The following CACNB4 variants were observed in gnomAD, a reference collection of about 807,000 sequenced individuals.
CACNB4 encodes the protein calcium voltage-gated channel auxiliary subunit beta 4.
In CACNB4, 32 loss-of-function variants were observed where a neutral mutation model predicts 71.2. That is an observed-to-expected ratio of 0.45 (90% CI 0.34 to 0.60). CACNB4 has a LOEUF of 0.60. CACNB4 is among the 20% of genes least tolerant of loss of function. CACNB4 has a pLI of 0.01. For missense variants in CACNB4, 464 were observed against 647.9 expected (o/e 0.72, Z 3.08); for synonymous variants, 231 against 236.9 (o/e 0.97, Z 0.23).
intron 2 of CACNB4, among the ~76,000 whole-genome samples, chr2:151,998,149 CCT>C (rs1682173276): frequency 6.6e-6 from 1 of 151,872 alleles, no homozygotes; most frequent in Non-Finnish European, 1.5e-5. Flanking sequence ...ATGGTGAACC[CCT>C]GTCTCTACTA....
In CACNB4 at chr2:151,837,975, C is replaced by T. The variant is rs1368711256; in HGVS notation, c.*1144G>A. 3 of 152,102 alleles carry T rather than the reference C, an allele frequency of 2.0e-5. No homozygotes were observed. The East Asian group carries it at 5.8e-4, about 29-fold the overall frequency. The allele number at this position is 152,102 out of a possible 1,614,324, so 9.4% of individuals were successfully genotyped here. On this transcript the variant is annotated 3_prime_UTR_variant, in exon 14 of 14. Coordinates refer to ENST00000539935, the MANE Select transcript of CACNB4 (RefSeq NM_000726.5). Reference sequence around the variant, plus strand: ...TCCTGAATATCAAAGTTGAGTGTGTCCACATAAAACGAAATTCCTTAGCAT... The same window carrying T: ...TCCTGAATATCAAAGTTGAGTGTGTTCACATAAAACGAAATTCCTTAGCAT...
At chr2:152,093,456 A>C (rs577317320) in intron 2 of CACNB4, among the ~76,000 whole-genome samples, 1 of 148,888 alleles carries the variant, frequency 6.7e-6, no homozygotes, top group African/African-American at 2.5e-5. Flanking sequence ...CTCTTTTATA[A>C]CGTGACCTTG....
chr2:151,993,083 T>C (rs149476914), intron 2 of CACNB4, among the ~76,000 whole-genome samples: 93 of 151,890 alleles, frequency 6.1e-4, no homozygotes, highest in African/African-American at 2.2e-3. Context: ...TTTTGGTAGG[T>C]GTGGGAAGAA....
chr2:151,989,907 C>A (rs1339939505), intron 2 of CACNB4, among the ~76,000 whole-genome samples: 2 of 152,154 alleles, frequency 1.3e-5, no homozygotes, highest in Admixed American at 6.5e-5. Flanking sequence ...TTCCCCCTCT[C>A]CACTGACTTT....
chr2:151,897,795 T>C (rs2099852454), intron 2 of CACNB4, among the ~76,000 whole-genome samples: 1 of 152,148 alleles, frequency 6.6e-6, no homozygotes, highest in Non-Finnish European at 1.5e-5. Flanking sequence ...TTTCTGAAAG[T>C]GAGTATAATA....
chr2:151,976,629 C>A (rs1351907275), intron 2 of CACNB4, among the ~76,000 whole-genome samples: 4 of 152,162 alleles, frequency 2.6e-5, no homozygotes. Flanking sequence ...GGGTTTCAAC[C>A]CAATACTCGG....
Position 152,055,730 on chromosome 2 carries a change from CT to C in CACNB4, c.147+42599del, listed in dbSNP as rs201654520. On this transcript the variant is annotated intron_variant, in intron 2 of 13. Coordinates refer to ENST00000539935, the MANE Select transcript of CACNB4 (RefSeq NM_000726.5). ...ATAGCTTTGAAGGCTGATTTCCCCC[CT>C]GATTCTAAGAAGATAATTAAGAAGC... 9.8e-3 allele frequency among the ~76,000 whole-genome samples: 1,493 copies of C among 152,280 alleles called. 11 individuals are homozygous for C. Among genetic ancestry groups the C allele is most frequent in the Non-Finnish European group, 0.016 (1,109 of 68,012 alleles).
At chr2:151,877,079 CTATATATACACAT>C (rs2099846605) in intron 4 of CACNB4, among the ~76,000 whole-genome samples, 2 of 86,622 alleles carry the variant, frequency 2.3e-5, no homozygotes, top group African/African-American at 8.9e-5. Context: ...ACATAGATAT[CTATATATACACAT>C]AGATATCTAT....
At chr2:151,990,617 A>C (rs1681653771) in intron 2 of CACNB4, among the ~76,000 whole-genome samples, 1 of 152,318 alleles carries the variant, frequency 6.6e-6, no homozygotes, top group Admixed American at 6.5e-5. Context: ...TCTTTTAACA[A>C]AGAGTTCTGC....
intron 2 of CACNB4, among the ~76,000 whole-genome samples, chr2:151,929,256 T>C (rs928962973): frequency 6.6e-6 from 1 of 152,126 alleles, no homozygotes. Flanking sequence ...ATCACTGATA[T>C]GAGTACATTT....
chr2:151,894,241 T>C (rs1292657606), intron 2 of CACNB4, among the ~76,000 whole-genome samples: 1 of 152,228 alleles, frequency 6.6e-6, no homozygotes, highest in Non-Finnish European at 1.5e-5. Flanking sequence ...ACGTGGGATT[T>C]ATCAAGTGGG....
rs2099835363 is a variant in CACNB4 at position 151,838,420 on chromosome 2, C to T, written c.*699G>A. ...AAAAAGCAAAACACTTTGAATACAA[C>T]AGCTGTGCCAGGAAAGAAATAAAAA... On this transcript the variant is annotated 3_prime_UTR_variant, in exon 14 of 14. Coordinates refer to ENST00000539935, the MANE Select transcript of CACNB4 (RefSeq NM_000726.5). The T allele has an allele frequency of 6.6e-6, 1 of 152,570 alleles. No homozygotes were observed. The highest frequency in any genetic ancestry group is 2.1e-4 in the South Asian group (1 of 4,824). The allele number at this position is 152,570 out of a possible 1,614,324, so 9.5% of individuals were successfully genotyped here.
intron 9 of CACNB4, among the ~76,000 whole-genome samples, chr2:151,863,215 GC>G (rs2099842197): frequency 6.6e-6 from 1 of 152,068 alleles, no homozygotes; most frequent in Non-Finnish European, 1.5e-5. Context: ...GCAAGCATGT[GC>G]CACCACACAT....
chr2:151,855,389 TA>T lies in CACNB4; in HGVS notation c.869-15del. The T allele has an allele frequency of 6.4e-7, 1 of 1,563,580 alleles. No individual in the cohort carries two copies. The highest frequency in any genetic ancestry group is 8.8e-7 in the Non-Finnish European group (1 of 1,140,808). ...TTTGTACTTCCGCTTAAAGGAAAAA[TA>T]ATAAATAGATCCCGGTTATTGTTAT... On this transcript the variant is annotated splice_polypyrimidine_tract_variant and intron_variant, in intron 10 of 13. Coordinates refer to ENST00000539935, the MANE Select transcript of CACNB4 (RefSeq NM_000726.5).
At chr2:152,093,507 C>T (rs1198107861) in intron 2 of CACNB4, among the ~76,000 whole-genome samples, 1 of 151,714 alleles carries the variant, frequency 6.6e-6, no homozygotes, top group Non-Finnish European at 1.5e-5. Flanking sequence ...TCTTTTGTTG[C>T]AACTGAGCAG....
chr2:151,844,798 C>T (rs2099837105), intron 12 of CACNB4, among the ~76,000 whole-genome samples: 2 of 152,206 alleles, frequency 1.3e-5, no homozygotes, highest in African/African-American at 2.4e-5. Flanking sequence ...TTCCGCCATT[C>T]CAGGCTAAAG....
intron 2 of CACNB4, among the ~76,000 whole-genome samples, chr2:152,002,354 T>C (rs1364126407): frequency 6.6e-6 from 1 of 152,206 alleles, no homozygotes; most frequent in African/African-American, 2.4e-5. Context: ...AGACAATTTT[T>C]TTAATACCAA....
At chr2:151,889,312 A>G (rs911216037) in intron 2 of CACNB4, among the ~76,000 whole-genome samples, 1 of 151,916 alleles carries the variant, frequency 6.6e-6, no homozygotes, top group African/African-American at 2.4e-5. Flanking sequence ...ACAAAAATAC[A>G]AAAATTAGCC....
chr2:151,860,601 C>T (rs1433180397), intron 10 of CACNB4, 110 bp downstream of exon 10: 3 of 771,322 alleles, frequency 3.9e-6, no homozygotes, highest in East Asian at 2.5e-5. Flanking sequence ...GTACTCAGTG[C>T]TCCCCCGTTC....
Sources: allele counts gnomAD v4.1 joint callset (sites outside exome capture counted in the v4.1 genomes callset), GRCh38; gene constraint gnomAD v4.1.1; transcripts MANE v1.5; gene names NCBI Gene and HGNC (gene_info 2026-07-23, HGNC 2026-07-21).